The following OPRM1 variants were observed in gnomAD, a reference collection of about 807,000 sequenced individuals.
The protein encoded by OPRM1 is opioid receptor mu 1, also known as mu-type opioid receptor.
Under a neutral mutation model 31.8 loss-of-function variants are expected in OPRM1, and 27 were observed. The observed-to-expected ratio is 0.85, with a 90% CI of 0.63 to 1.17. The LOEUF (loss-of-function observed/expected upper bound fraction) is 1.17. Among genes scored for constraint, OPRM1 ranks in the 50% most tolerant of loss-of-function variants. The pLI is 0.00. For synonymous variants in OPRM1, 196 were observed against 189.9 expected, an observed-to-expected ratio of 1.03 and a Z score of -0.26; for missense variants, 536 against 511.1, an observed-to-expected ratio of 1.05 and a Z score of -0.47.
intron 1 of OPRM1, among the ~76,000 whole-genome samples, chr6:154,051,860 A>G (rs1782260339): frequency 1.3e-5 from 2 of 152,238 alleles, no homozygotes; most frequent in Non-Finnish European, 2.9e-5. Flanking sequence ...TCATTCTACT[A>G]TAAAGACACA....
At chr6:154,096,323 G>A (rs1240770747) in intron 3 of OPRM1, among the ~76,000 whole-genome samples, 1 of 152,172 alleles carries the variant, frequency 6.6e-6, no homozygotes, top group South Asian at 2.1e-4. Flanking sequence ...GCCTCCCAAA[G>A]TGCTGAGATT....
rs200012931 is a variant in OPRM1, at chr6:154,118,822, A to T, written c.*101A>T. Reference sequence around the variant, plus strand: ...GTGTAGGAGGCTCTAATTCTCTAGGAAAGTGCCTGCTTTTAGGTCATCCAA... The same window carrying T: ...GTGTAGGAGGCTCTAATTCTCTAGGTAAGTGCCTGCTTTTAGGTCATCCAA... On this transcript the variant is annotated 3_prime_UTR_variant, in exon 4 of 4. Coordinates refer to ENST00000330432, the MANE Select transcript of OPRM1 (RefSeq NM_000914.5). The T allele has an allele frequency of 6.4e-7, 1 of 1,555,380 alleles. No individual in the cohort carries two copies. Among genetic ancestry groups the T allele is most frequent in the Non-Finnish European group, 8.6e-7 (1 of 1,156,800 alleles).
chr6:154,107,451 G>A, intron 3 of OPRM1: 1 of 718,440 alleles, frequency 1.4e-6, no homozygotes, highest in Non-Finnish European at 2.6e-6. Context: ...AACCAGAAGT[G>A]ACTTACTTTC....
intron 3 of OPRM1, among the ~76,000 whole-genome samples, chr6:154,137,736 A>C (rs778960817): frequency 6.6e-6 from 1 of 152,250 alleles, no homozygotes; most frequent in African/African-American, 2.4e-5. Context: ...GTTCAGAAGG[A>C]AACACCATTT....
At chr6:154,116,409 A>G (rs1384039404) in intron 3 of OPRM1, among the ~76,000 whole-genome samples, 5 of 151,856 alleles carry the variant, frequency 3.3e-5, no homozygotes, top group Non-Finnish European at 1.5e-5. Context: ...AACATGGGAA[A>G]CCCCATCTCT....
chr6:154,045,802 G>A (rs1781005577), intron 1 of OPRM1, among the ~76,000 whole-genome samples: 1 of 152,204 alleles, frequency 6.6e-6, no homozygotes, highest in East Asian at 1.9e-4. Flanking sequence ...CTATTTGGAA[G>A]TTCAGGAAAG....
chr6:154,044,823 C>G (rs988291139), intron 1 of OPRM1, among the ~76,000 whole-genome samples: 1 of 152,048 alleles, frequency 6.6e-6, no homozygotes, highest in Non-Finnish European at 1.5e-5. Context: ...TATTATTTCT[C>G]CTAGGATTCC....
intron 3 of OPRM1, among the ~76,000 whole-genome samples, chr6:154,116,253 G>A (rs146059574): frequency 4.6e-5 from 7 of 152,238 alleles, no homozygotes; most frequent in African/African-American, 1.7e-4. Flanking sequence ...GCTTTAAATA[G>A]CTTCCTCCAT....
chr6:154,101,886 G>A (rs1267930972), intron 3 of OPRM1, among the ~76,000 whole-genome samples: 1 of 152,040 alleles, frequency 6.6e-6, no homozygotes, highest in Non-Finnish European at 1.5e-5. Context: ...AGGTTAAGGG[G>A]AAGCATTACA....
intron 3 of OPRM1, chr6:154,108,222 T>C: frequency 2.3e-6 from 1 of 426,150 alleles, no homozygotes; most frequent in Non-Finnish European, 4.2e-6. Flanking sequence ...CATTAGCTAC[T>C]CTGCTTAGCA....
chr6:154,104,876 G>A (rs1795362481), intron 3 of OPRM1, among the ~76,000 whole-genome samples: 1 of 152,114 alleles, frequency 6.6e-6, no homozygotes, highest in South Asian at 2.1e-4. Flanking sequence ...CTATAAGTTG[G>A]GTAAATTTCT....
intron 1 of OPRM1, among the ~76,000 whole-genome samples, chr6:154,043,217 C>A (rs756050882): frequency 6.6e-6 from 1 of 152,062 alleles, no homozygotes; most frequent in African/African-American, 2.4e-5. Context: ...AGTAATAGTA[C>A]CTTCATTTTT....
intron 1 of OPRM1, among the ~76,000 whole-genome samples, chr6:154,062,182 T>C (rs1305398066): frequency 6.6e-6 from 1 of 152,120 alleles, no homozygotes; most frequent in South Asian, 2.1e-4. Flanking sequence ...AAAAATATAA[T>C]TAATCATATG....
intron 3 of OPRM1, among the ~76,000 whole-genome samples, chr6:154,187,105 T>C (rs1402171031): frequency 6.6e-6 from 1 of 151,218 alleles, no homozygotes; most frequent in Non-Finnish European, 1.5e-5. Context: ...TGACTGCACT[T>C]GTTGTGTTTT....
intron 1 of OPRM1, among the ~76,000 whole-genome samples, chr6:154,013,143 C>T (rs952035279): frequency 8.5e-5 from 13 of 152,092 alleles, no homozygotes; most frequent in African/African-American, 2.9e-4. Flanking sequence ...TTCAAGTGGA[C>T]GTTAGCCTTG....
intron 1 of OPRM1, among the ~76,000 whole-genome samples, chr6:154,079,453 G>A (rs1259648291): frequency 6.6e-6 from 1 of 152,126 alleles, no homozygotes; most frequent in Non-Finnish European, 1.5e-5. Flanking sequence ...AGATAATCAG[G>A]CTCAGTCCAG....
intron 1 of OPRM1, among the ~76,000 whole-genome samples, chr6:154,024,910 G>C (rs1778601016): frequency 6.6e-6 from 1 of 151,954 alleles, no homozygotes; most frequent in Non-Finnish European, 1.5e-5. Flanking sequence ...GGAGATGCTT[G>C]ATATTTAATT....
chr6:154,144,523 G>A lies in OPRM1; in HGVS notation c.1164+53051G>A, dbSNP rs1009182553. On this transcript the variant is annotated intron_variant, in intron 3 of 3. Coordinates refer to the OPRM1 transcript ENST00000337049. ...GCACTTTGGGAGTCTCAGGCAGGTG[G>A]ATCACCCGAGGTCAGGAGTTCGAGA... Among the ~76,000 whole-genome samples the A allele has an allele frequency of 9.9e-5, 15 of 152,190 alleles. No homozygotes were observed. The South Asian group carries it at 1.9e-3, about 19-fold the overall frequency.
intron 3 of OPRM1, among the ~76,000 whole-genome samples, chr6:154,205,898 G>C (rs1777453413): frequency 6.6e-6 from 1 of 151,912 alleles, no homozygotes; most frequent in Admixed American, 6.6e-5. Context: ...GATTACAATA[G>C]CAGACCCTTC....
Sources: allele counts gnomAD v4.1 joint callset (sites outside exome capture counted in the v4.1 genomes callset), GRCh38; gene constraint gnomAD v4.1.1; transcripts MANE v1.5; gene names NCBI Gene and HGNC (gene_info 2026-07-23, HGNC 2026-07-21).